Variants in RARRES2 observed in about 807,000 individuals in gnomAD.
RARRES2 encodes the protein retinoic acid receptor responder 2.
A neutral mutation model predicts 17.9 loss-of-function variants in RARRES2; 12 were observed. The observed-to-expected ratio is 0.67, with a 90% confidence interval of 0.43 to 1.08. RARRES2 has a LOEUF of 1.08. Among genes scored for constraint, RARRES2 ranks in the 50% least tolerant of loss-of-function variants. The pLI, the probability that RARRES2 is intolerant of heterozygous loss-of-function variation, is 0.00. For missense variants in RARRES2, 220 were observed against 210.1 expected (o/e 1.05, Z -0.29); for synonymous variants, 82 against 86.8 (o/e 0.94, Z 0.31).
Position 150,339,097 on chromosome 7 carries a change from G to T in RARRES2, c.280-16C>A, listed in dbSNP as rs537665173. ...TCCGTTTCCTCTGTGGGGGAGCGGG[G>T]AGCATGGGGTGAGCAGAGGAAAAGG... On this transcript the variant is annotated splice_polypyrimidine_tract_variant and intron_variant, in intron 3 of 5. Coordinates refer to ENST00000223271, the MANE Select transcript of RARRES2 (RefSeq NM_002889.4). 12 of 1,574,672 alleles carry T rather than the reference G, an allele frequency of 7.6e-6. No homozygotes were observed. Among genetic ancestry groups the T allele is most frequent in the Admixed American group, 1.7e-5 (1 of 59,906 alleles).
rs913611829 is a variant in RARRES2 at position 150,338,871 on chromosome 7, C to A, written c.375+115G>T. The stretch of plus-strand genomic sequence containing the variant: ...CAAACAGGCACAGCGCTTTCTAGCC[C>A]CCACTGCCCTCCCTCCTGCTTGGCC... On this transcript the variant is annotated intron_variant, in intron 4 of 5. Coordinates refer to ENST00000223271, the MANE Select transcript of RARRES2 (RefSeq NM_002889.4). The A allele has an allele frequency of 1.6e-5, 25 of 1,544,998 alleles. No homozygotes were observed. In the African/African-American group the frequency reaches 3.4e-4, roughly 21 times the overall value.
At chr7:150,340,402 C>A in intron 2 of RARRES2, 34 bp downstream of exon 2, 1 of 1,569,124 alleles carries the variant, frequency 6.4e-7, no homozygotes, top group South Asian at 1.2e-5. Flanking sequence ...TGGGGTACGA[C>A]CCTCCCCGCT....
At chr7:150,339,116 GAA>G in intron 3 of RARRES2, 35 bp from the exon 4 acceptor site, 1 of 1,540,706 alleles carries the variant, frequency 6.5e-7, no homozygotes, top group South Asian at 1.1e-5. Flanking sequence ...GTGAGCAGAG[GAA>G]AAGGGTGAGG....
chr7:150,339,169 T>C, intron 3 of RARRES2, 88 bp from the exon 4 acceptor site: 1 of 1,274,378 alleles, frequency 7.8e-7, no homozygotes, highest in Non-Finnish European at 1.1e-6. Flanking sequence ...GGGCTGCCCA[T>C]CATGGGACCA....
chr7:150,339,020 A>G lies in RARRES2; in HGVS notation c.341T>C (p.Leu114Ser). 6.2e-7 allele frequency: 1 copy of G among 1,613,182 alleles called. No homozygotes were observed. The highest frequency in any genetic ancestry group is 1.7e-5 in the Admixed American group (1 of 59,994). The change falls in exon 4 of 6, where the codon TTG becomes TCG. Residue 114 changes from leucine to serine, a missense_variant. Physicochemically the swap from Leu to Ser is moderately radical, Grantham distance 145. Transcript: ENST00000223271. ...LGSEDKVLGR[L>S]VHCPIETQVL... ...TTGGGTCTCTATGGGGCAGTGGACCAACCGGCCCAGAACTTTGTCCTCAGA... is the reference window on the plus strand; with the variant it reads ...TTGGGTCTCTATGGGGCAGTGGACCGACCGGCCCAGAACTTTGTCCTCAGA...
chr7:150,339,219 A>G, intron 3 of RARRES2, 138 bp from the exon 4 acceptor site: 2 of 771,484 alleles, frequency 2.6e-6, no homozygotes, highest in South Asian at 1.7e-5. Flanking sequence ...GCAAGAGGTC[A>G]TGCAGGCCAG....
At chr7:150,338,491 A>G (rs1234130383) in intron 5 of RARRES2, 52 bp from the exon 6 acceptor site, 1 of 1,520,808 alleles carries the variant, frequency 6.6e-7, no homozygotes, top group Admixed American at 2.0e-5. Flanking sequence ...CTTCAGCCCC[A>G]GTCCCAGCTT....
chr7:150,341,093 G>C (rs1798478551), intron 1 of RARRES2: 1 of 154,430 alleles, frequency 6.5e-6, no homozygotes, highest in Non-Finnish European at 1.4e-5. Context: ...CGAGGTCCAG[G>C]CCAGCCGGGG....
At position 150,339,066 on chromosome 7, in the gene RARRES2, G is replaced by A. The variant is rs567505283; in HGVS notation, c.295C>T (p.Leu99=). The A allele has an allele frequency of 1.2e-6, 2 of 1,611,794 alleles. No individual in the cohort carries two copies. The highest frequency in any genetic ancestry group is 1.7e-6 in the Non-Finnish European group (2 of 1,177,902). ...VRPNGRKRKC[L]ACIKLGSEDK... ...TCAGAGCCCAGTTTGATGCAGGCCA[G>A]GCATTTCCGTTTCCTCTGTGGGGGA... Residue 99 remains leucine, a synonymous_variant, in exon 4 of 6, where the codon CTG becomes TTG. Coordinates refer to ENST00000223271, the MANE Select transcript of RARRES2 (RefSeq NM_002889.4).
chr7:150,340,280 C>G, intron 2 of RARRES2, 76 bp from the exon 3 acceptor site: 1 of 1,564,660 alleles, frequency 6.4e-7, no homozygotes, highest in Non-Finnish European at 8.8e-7. Flanking sequence ...GTGATCCGCA[C>G]CTCCCTCACG....
intron 3 of RARRES2, among the ~76,000 whole-genome samples, chr7:150,339,509 C>G (rs1222010883): frequency 7.0e-6 from 1 of 142,376 alleles, no homozygotes; most frequent in African/African-American, 2.8e-5. Context: ...GTCACCTATT[C>G]TATTTATTTT....
At position 150,340,209 on chromosome 7, in the gene RARRES2, G is replaced by A; in HGVS notation, c.175-5C>T. The A allele has an allele frequency of 4.3e-6, 7 of 1,613,848 alleles. No individual in the cohort carries two copies. Among genetic ancestry groups the A allele is most frequent in the Middle Eastern group, 1.6e-4 (1 of 6,062 alleles). ...AAATATTCCAGCTGGGAAGGGCTGC[G>A]GACAGACAGGCAGGCAGAGGATGGC... On this transcript the variant is annotated splice_polypyrimidine_tract_variant and splice_region_variant and intron_variant, in intron 2 of 5. Transcript: ENST00000223271.
Position 150,338,676 on chromosome 7 carries a change from G to C in RARRES2, c.441C>G (p.Ser147Arg). ...AGGCGAACTGTCCAGGGAAGTAGAAGCTGTGGGGGTCCTCACCAGCCCGCT... is the reference window on the plus strand; with the variant it reads ...AGGCGAACTGTCCAGGGAAGTAGAACCTGTGGGGGTCCTCACCAGCCCGCT... Reference protein sequence around the residue: ...RVQRAGEDPHSFYFPGQFAFS... With the variant: ...RVQRAGEDPHRFYFPGQFAFS... The change falls in exon 5 of 6, where the codon AGC (serine) becomes AGG (arginine). Residue 147 changes from serine (S) to arginine (R), a missense_variant. Physicochemically the swap from Ser to Arg is moderately radical, Grantham distance 110. Coordinates refer to ENST00000223271, the MANE Select transcript of RARRES2 (RefSeq NM_002889.4). 1.3e-6 allele frequency: 2 copies of C among 1,555,832 alleles called. No homozygotes were observed. Among genetic ancestry groups the C allele is most frequent in the Non-Finnish European group, 1.7e-6 (2 of 1,149,212 alleles).
chr7:150,338,862 T>A (rs1798404650), intron 4 of RARRES2, 121 bp from the exon 5 acceptor site: 3 of 1,556,076 alleles, frequency 1.9e-6, no homozygotes, highest in African/African-American at 1.4e-5. Context: ...GGCACAGCGC[T>A]TTCTAGCCCC....
At chr7:150,340,006 C>T (rs1179929982) in intron 3 of RARRES2, 94 bp downstream of exon 3, 10 of 1,083,718 alleles carry the variant, frequency 9.2e-6, no homozygotes, top group African/African-American at 1.5e-5. Context: ...CCAATTCATG[C>T]ATGCACACCC....
At chr7:150,338,877 G>A (rs1798405279) in intron 4 of RARRES2, 109 bp downstream of exon 4, 2 of 1,540,590 alleles carry the variant, frequency 1.3e-6, no homozygotes, top group African/African-American at 1.4e-5. Flanking sequence ...AGCCCCCACT[G>A]CCCTCCCTCC....
intron 2 of RARRES2, 75 bp downstream of exon 2, chr7:150,340,361 T>C (rs1050604830): frequency 7.0e-5 from 109 of 1,551,088 alleles, no homozygotes; most frequent in Non-Finnish European, 9.3e-5. Flanking sequence ...CAAGCACTTC[T>C]GTCCCCCTTC....
intron 2 of RARRES2, 44 bp downstream of exon 2, chr7:150,340,392 T>C: frequency 6.4e-7 from 1 of 1,563,022 alleles, no homozygotes; most frequent in Non-Finnish European, 8.7e-7. Flanking sequence ...GCTGGTCTCC[T>C]GGGGTACGAC....
rs1398161682 is a variant in RARRES2 at position 150,338,597 on chromosome 7, C to T, written c.*10+18G>A. 1.9e-6 allele frequency: 3 copies of T among 1,550,718 alleles called. No individual in the cohort carries two copies. Among genetic ancestry groups the T allele is most frequent in the Admixed American group, 2.0e-5 (1 of 50,900 alleles). ...GCTGGCCTCATCCAGACGGTGCTCTCAGCCCCCTGGTGCCTACCAGTGCTG... is the reference window on the plus strand; with the variant it reads ...GCTGGCCTCATCCAGACGGTGCTCTTAGCCCCCTGGTGCCTACCAGTGCTG... On this transcript the variant is annotated intron_variant, in intron 5 of 5. Transcript: ENST00000223271.
Sources: gnomAD v4.1 joint callset for allele counts (sites outside exome capture counted in the v4.1 genomes callset) on GRCh38, gnomAD v4.1.1 for gene constraint, MANE v1.5 for transcripts, NCBI Gene and HGNC (gene_info 2026-07-23, HGNC 2026-07-21) for gene names.